The following DNAH10 variants were observed in gnomAD, a reference collection of about 807,000 sequenced individuals.
DNAH10 encodes the protein axonemal beta dynein heavy chain 10.
In DNAH10, 348 loss-of-function variants were observed where a neutral mutation model predicts 506.6. That is an observed-to-expected ratio of 0.69 (90% confidence interval 0.63 to 0.75). The LOEUF is 0.75. Among genes scored for constraint, DNAH10 ranks in the 30% least tolerant of loss-of-function variants. DNAH10 has a pLI of 0.00. For synonymous variants in DNAH10, 2,059 were observed against 2,198.6 expected (o/e 0.94, Z 1.78); for missense variants, 5,179 against 5,787.1 (o/e 0.89, Z 3.41).
At position 123,787,742 on chromosome 12, in the gene DNAH10, G is replaced by A. The variant is rs1221772686; in HGVS notation, c.1422-62G>A. The stretch of plus-strand genomic sequence containing the variant: ...CACGGGACACTGGCTCCCCAGCCGG[G>A]GAGTGCGGCTCGGACCCGGAGCTCC... On this transcript the variant is annotated intron_variant, in intron 9 of 78. Coordinates refer to ENST00000673944, the MANE Select transcript of DNAH10 (RefSeq NM_001372106.1). The surrounding 1 kb of genome is among the most constrained non-coding windows in gnomAD (Gnocchi z 4.6). 6.4e-7 allele frequency: 1 copy of A among 1,564,082 alleles called. No homozygotes were observed. Among genetic ancestry groups the A allele is most frequent in the East Asian group, 2.3e-5 (1 of 43,752 alleles).
At chr12:123,856,110 A>G (rs1951378059) in intron 36 of DNAH10, among the ~76,000 whole-genome samples, 1 of 147,428 alleles carries the variant, frequency 6.8e-6, no homozygotes, top group Non-Finnish European at 1.5e-5. Flanking sequence ...TATAATATAC[A>G]TAACATTTTA....
chr12:123,845,558 C>T (rs753508869), intron 30 of DNAH10, 42 bp from the exon 31 acceptor site: 94 of 1,604,284 alleles, frequency 5.9e-5, no homozygotes, highest in Middle Eastern at 1.6e-4. Context: ...GTACCAGTCC[C>T]CGGATTGATC....
intron 39 of DNAH10, among the ~76,000 whole-genome samples, chr12:123,864,299 C>G (rs896507280): frequency 1.3e-4 from 20 of 151,854 alleles, no homozygotes; most frequent in African/African-American, 4.4e-4. Context: ...GCACACACCA[C>G]TATGCCTGGC....
At chr12:123,828,602 C>CTTA (rs1295324595) in intron 25 of DNAH10, among the ~76,000 whole-genome samples, 1 of 152,260 alleles carries the variant, frequency 6.6e-6, no homozygotes, top group East Asian at 1.9e-4. Flanking sequence ...AAGGAATGTT[C>CTTA]TTATTAAGGT....
At position 123,914,875 on chromosome 12, in the gene DNAH10, C is replaced by G. The variant is rs959963934; in HGVS notation, c.10598C>G (p.Pro3533Arg). The G allele has an allele frequency of 9.3e-6, 15 of 1,613,662 alleles. No individual in the cohort carries two copies. The highest frequency in any genetic ancestry group is 3.3e-5 in the Admixed American group (2 of 59,994). ...AGATGGGGATCCCAGGGCCTTCCCCCCGATGAGCTCTCCGTTCAGAATGGC... is the reference window on the plus strand; with the variant it reads ...AGATGGGGATCCCAGGGCCTTCCCCGCGATGAGCTCTCCGTTCAGAATGGC... ...ISRWGSQGLP[P>R]DELSVQNGIL... The change falls in exon 62 of 79, where the codon CCC (proline) becomes CGC (arginine). Residue 3533 changes from proline to arginine, a missense_variant. Coordinates refer to ENST00000673944, the MANE Select transcript of DNAH10 (RefSeq NM_001372106.1).
chr12:123,848,655 A>G, intron 33 of DNAH10, 75 bp from the exon 34 acceptor site: 3 of 1,559,714 alleles, frequency 1.9e-6, no homozygotes, highest in Admixed American at 3.6e-5. Flanking sequence ...TAATTTAGAA[A>G]ATATATCCAT....
At chr12:123,933,547 CTTAGGAT>C (rs1955319870) in intron 77 of DNAH10, 36 bp downstream of exon 77, 1 of 1,542,730 alleles carries the variant, frequency 6.5e-7, no homozygotes, top group African/African-American at 1.4e-5. Context: ...CAGCCTCTCA[CTTAGGAT>C]TTCTCTCCCT....
chr12:123,898,110 C>T (rs1470900962), intron 55 of DNAH10, 143 bp downstream of exon 55: 41 of 794,832 alleles, frequency 5.2e-5, no homozygotes, highest in Admixed American at 1.5e-4. Context: ...TGTCTTGGAG[C>T]GATTCTTTCA....
At chr12:123,842,753 A>G (rs958410805) in intron 30 of DNAH10, among the ~76,000 whole-genome samples, 23 of 152,224 alleles carry the variant, frequency 1.5e-4, no homozygotes, top group Non-Finnish European at 2.6e-4. Context: ...GCAGTTGCCA[A>G]TTTCCATGGT....
chr12:123,835,582 T>C, intron 28 of DNAH10, 54 bp downstream of exon 28: 1 of 1,564,860 alleles, frequency 6.4e-7, no homozygotes, highest in Non-Finnish European at 8.6e-7. Flanking sequence ...ATTTGAGATA[T>C]TTGTACCTTT....
At chr12:123,780,958 A>AG in intron 5 of DNAH10, 122 bp from the exon 6 acceptor site, 1 of 814,960 alleles carries the variant, frequency 1.2e-6, no homozygotes, top group South Asian at 2.1e-5. Flanking sequence ...AAAAAAAAAA[A>AG]AAAAGAATAT....
Position 123,789,999 on chromosome 12 carries a change from G to A in DNAH10, c.1693G>A (p.Asp565Asn), listed in dbSNP as rs755378175. The change falls in exon 11 of 79, where the codon GAT (aspartate) becomes AAT (asparagine). Residue 565 changes from aspartate to asparagine, a missense_variant. Physicochemically the swap from Asp to Asn is conservative, Grantham distance 23. Transcript: ENST00000673944. ...AVTGDPKRID[D>N]VLCRVDGLVT... ...GACGGGGGACCCCAAGCGCATTGAT[G>A]ATGTCCTATGCAGAGTGGACGGCCT... 7 of 1,614,026 alleles carry A rather than the reference G, an allele frequency of 4.3e-6. No homozygotes were observed. The highest frequency in any genetic ancestry group is 5.9e-6 in the Non-Finnish European group (7 of 1,180,014).
rs528150080 is a variant in DNAH10, at chr12:123,927,009, GT to G, written c.12105+190del. ...AGTTATGATTTCACAACCTCATGTT[GT>G]GATCATGGTGCTGTGCTGTTTTCTT... On this transcript the variant is annotated intron_variant, in intron 69 of 78. Transcript: ENST00000673944. 116 of 654,664 alleles carry G rather than the reference GT, an allele frequency of 1.8e-4. No homozygotes were observed. In the African/African-American group the frequency reaches 1.9e-3, roughly 11 times the overall value. 40.6% of individuals were successfully genotyped at this position (654,664 alleles called of 1,614,324 possible).
At chr12:123,764,477 C>T (rs149643549) in intron 1 of DNAH10, among the ~76,000 whole-genome samples, 64 of 152,092 alleles carry the variant, frequency 4.2e-4, no homozygotes, top group Middle Eastern at 3.4e-3. Context: ...TGCAGGAACT[C>T]GGGTTTCGTT....
In DNAH10 at chr12:123,787,373, CTATT is replaced by C. The variant is rs1427264716; in HGVS notation, c.1422-427_1422-424del. Reference sequence around the variant, plus strand: ...TATCTATATCTATATGTATCCATATCTATTTATATACATCTCTCTCTCTCTCTCT... The same window carrying C: ...TATCTATATCTATATGTATCCATATCTATATACATCTCTCTCTCTCTCTCT... On this transcript the variant is annotated intron_variant, in intron 9 of 78. Coordinates refer to ENST00000673944, the MANE Select transcript of DNAH10 (RefSeq NM_001372106.1). This position sits in a 1 kb window ranked among gnomAD's most constrained non-coding sequence, Gnocchi z 4.6. Among the ~76,000 whole-genome samples, 1 of 150,816 alleles carries C rather than the reference CTATT, an allele frequency of 6.6e-6. No homozygotes were observed. The highest frequency in any genetic ancestry group is 2.5e-5 in the African/African-American group (1 of 40,270).
intron 76 of DNAH10, 124 bp downstream of exon 76, chr12:123,932,232 CT>C: frequency 8.4e-7 from 1 of 1,184,156 alleles, no homozygotes; most frequent in Non-Finnish European, 1.2e-6. Flanking sequence ...ATTGGGTGCT[CT>C]GGAAATGGTC....
intron 42 of DNAH10, 84 bp from the exon 43 acceptor site, chr12:123,867,819 C>A: frequency 7.0e-7 from 1 of 1,428,726 alleles, no homozygotes; most frequent in South Asian, 1.3e-5. Context: ...CGCTCTGGGA[C>A]CTGGGATCCC....
At chr12:123,867,114 A>T (rs1163700590) in intron 41 of DNAH10, among the ~76,000 whole-genome samples, 2 of 152,188 alleles carry the variant, frequency 1.3e-5, no homozygotes, top group African/African-American at 4.8e-5. Flanking sequence ...TTTGATAGGG[A>T]GGGGACCTTC....
In DNAH10 at chr12:123,919,920, A is replaced by G. The variant is rs1407402567; in HGVS notation, c.11506+971A>G. Among the ~76,000 whole-genome samples the G allele has an allele frequency of 6.6e-6, 1 of 152,056 alleles. No individual in the cohort carries two copies. Among genetic ancestry groups the G allele is most frequent in the Non-Finnish European group, 1.5e-5 (1 of 68,010 alleles). Reference sequence around the variant, plus strand: ...CTATTAAGGCAATGCTCCTGTGAACATTTGTGTGCAGGTTTTTGTGTGAAT... The same window carrying G: ...CTATTAAGGCAATGCTCCTGTGAACGTTTGTGTGCAGGTTTTTGTGTGAAT... On this transcript the variant is annotated intron_variant, in intron 65 of 78. Coordinates refer to ENST00000673944, the MANE Select transcript of DNAH10 (RefSeq NM_001372106.1). The surrounding 1 kb of genome is among the most constrained non-coding windows in gnomAD (Gnocchi z 4.9).
Sources: allele counts gnomAD v4.1 joint callset (sites outside exome capture counted in the v4.1 genomes callset), GRCh38; gene constraint gnomAD v4.1.1; non-coding constraint Gnocchi (gnomAD v3.1); transcripts MANE v1.5; gene names NCBI Gene and HGNC (gene_info 2026-07-23, HGNC 2026-07-21).